MCTP1: variants seen among roughly 807,000 people sequenced by gnomAD.
MCTP1 encodes the protein multiple C2 and transmembrane domain containing 1, also known as multiple C2 and transmembrane domain-containing protein 1.
MCTP1 carries 69 observed loss-of-function variants against 120.6 expected under a neutral mutation model. That is an observed-to-expected ratio of 0.57 (90% confidence interval 0.47 to 0.70). MCTP1 has a LOEUF of 0.70. MCTP1 is among the 30% of genes least tolerant of loss of function. The pLI is 0.00. For synonymous variants in MCTP1, 529 were observed against 493.1 expected, an observed-to-expected ratio of 1.07 and a Z score of -0.96; for missense variants, 1,203 against 1,248.8, an observed-to-expected ratio of 0.96 and a Z score of 0.55.
intron 1 of MCTP1, among the ~76,000 whole-genome samples, chr5:95,243,078 T>G (rs1756351358): frequency 6.6e-6 from 1 of 152,162 alleles, no homozygotes; most frequent in Admixed American, 6.5e-5. Context: ...TGACTTCCTC[T>G]TAAGACTGTG....
intron 1 of MCTP1, among the ~76,000 whole-genome samples, chr5:95,165,017 G>C (rs1454169067): frequency 3.3e-5 from 5 of 152,144 alleles, no homozygotes; most frequent in Admixed American, 3.3e-4. Context: ...CTTCTTAACT[G>C]TGTCAACCCA....
intron 19 of MCTP1, among the ~76,000 whole-genome samples, chr5:94,720,316 A>G (rs1760596424): frequency 6.6e-6 from 1 of 152,062 alleles, no homozygotes; most frequent in Non-Finnish European, 1.5e-5. Context: ...AATTTAAAAC[A>G]TGTCAAAAGT....
At chr5:95,282,286 A>G (rs951087430) in intron 1 of MCTP1, among the ~76,000 whole-genome samples, 1 of 152,184 alleles carries the variant, frequency 6.6e-6, no homozygotes, top group African/African-American at 2.4e-5. Flanking sequence ...AGAGTTATCT[A>G]TTTTTGCTTT....
chr5:95,259,157 C>T (rs1582681436), intron 1 of MCTP1, among the ~76,000 whole-genome samples: 2 of 152,268 alleles, frequency 1.3e-5, no homozygotes, highest in African/African-American at 4.8e-5. Flanking sequence ...GACTACGCGT[C>T]AAGTTGCCAG....
intron 1 of MCTP1, among the ~76,000 whole-genome samples, chr5:95,067,469 T>C (rs997146729): frequency 1.3e-5 from 2 of 151,868 alleles, no homozygotes; most frequent in Non-Finnish European, 1.5e-5. Flanking sequence ...AATGAAAAAA[T>C]TGGCATTATT....
intron 1 of MCTP1, among the ~76,000 whole-genome samples, chr5:95,223,968 A>G (rs1240294625): frequency 1.3e-5 from 2 of 152,264 alleles, no homozygotes; most frequent in Non-Finnish European, 2.9e-5. Context: ...CTATTTTCAT[A>G]GTAAACAATG....
At chr5:94,905,639 T>G (rs1461292649) in intron 10 of MCTP1, among the ~76,000 whole-genome samples, 1 of 152,214 alleles carries the variant, frequency 6.6e-6, no homozygotes, top group Non-Finnish European at 1.5e-5. Flanking sequence ...TTCCACGATT[T>G]TTGGTGTTAG....
chr5:95,065,736 G>T (rs950730993), intron 1 of MCTP1, among the ~76,000 whole-genome samples: 1 of 152,086 alleles, frequency 6.6e-6, no homozygotes, highest in African/African-American at 2.4e-5. Flanking sequence ...TTTTCTAGAG[G>T]TTTTAACCAC....
intron 17 of MCTP1, among the ~76,000 whole-genome samples, chr5:94,863,567 T>C (rs527389147): frequency 2.1e-4 from 32 of 152,042 alleles, no homozygotes; most frequent in Admixed American, 3.9e-4. Context: ...GATGTAGACA[T>C]GCCTTTGTTT....
chr5:95,176,095 A>G (rs1199480939), intron 1 of MCTP1, among the ~76,000 whole-genome samples: 6 of 152,198 alleles, frequency 3.9e-5, no homozygotes, highest in African/African-American at 7.2e-5. Flanking sequence ...TGCCTCCTTG[A>G]GAAAATCAAA....
At chr5:95,158,103 T>C (rs1307912517) in intron 1 of MCTP1, among the ~76,000 whole-genome samples, 4 of 152,226 alleles carry the variant, frequency 2.6e-5, no homozygotes, top group Non-Finnish European at 5.9e-5. Flanking sequence ...AGAATTGATA[T>C]TAAGTAGACA....
At chr5:95,265,001 G>C (rs962466082) in intron 1 of MCTP1, among the ~76,000 whole-genome samples, 1 of 152,154 alleles carries the variant, frequency 6.6e-6, no homozygotes, top group Non-Finnish European at 1.5e-5. Context: ...AATCCAGGAA[G>C]AGTTGAGCTC....
chr5:95,017,336 C>G (rs887153712), intron 2 of MCTP1, 31 bp downstream of exon 2: 8 of 1,388,208 alleles, frequency 5.8e-6, no homozygotes, highest in African/African-American at 1.4e-5. Flanking sequence ...CATAAAAAAG[C>G]TTCTAGGTGA....
intron 1 of MCTP1, among the ~76,000 whole-genome samples, chr5:95,086,116 A>T (rs1313226872): frequency 6.6e-6 from 1 of 152,156 alleles, no homozygotes; most frequent in Non-Finnish European, 1.5e-5. Flanking sequence ...AAAAATATAA[A>T]AATTAAATGT....
intron 1 of MCTP1, among the ~76,000 whole-genome samples, chr5:95,054,258 A>C (rs1372426415): frequency 6.6e-6 from 1 of 152,224 alleles, no homozygotes; most frequent in African/African-American, 2.4e-5. Context: ...GACTAGCTTC[A>C]TTTCTCTAGA....
At chr5:94,926,600 C>G (rs974770478) in intron 6 of MCTP1, among the ~76,000 whole-genome samples, 1 of 152,164 alleles carries the variant, frequency 6.6e-6, no homozygotes. Flanking sequence ...TTTAGGGTCC[C>G]TTAAGACCAA....
rs35248317 is a variant in MCTP1, at chr5:95,140,693, TAAAAAAAAAAAAAAAAAAA to T, written c.721-123228_721-123210del. Among the ~76,000 whole-genome samples, 38 of 27,632 alleles carry T rather than the reference TAAAAAAAAAAAAAAAAAAA, an allele frequency of 1.4e-3. 2 individuals are homozygous for T. The highest frequency in any genetic ancestry group is 2.8e-3 in the South Asian group (1 of 356). The allele number at this position is 27,632 out of a possible 152,430, so 18.1% of individuals were successfully genotyped here. A position where few individuals can be genotyped will look rare whatever the true frequency, so the allele number is the denominator to read the frequency against. ...TAACACCGTGAAACCCTGTCCCTAC[TAAAAAAAAAAAAAAAAAAA>T]AAAAAAAAAAAAAAAAAATTAGCCG... On this transcript the variant is annotated intron_variant, in intron 1 of 22. Coordinates refer to ENST00000515393, the MANE Select transcript of MCTP1 (RefSeq NM_024717.7).
chr5:94,953,300 T>C lies in MCTP1; in HGVS notation c.900A>G (p.Ile300Met). 1 of 1,612,178 alleles carries C rather than the reference T, an allele frequency of 6.2e-7. No individual in the cohort carries two copies. The highest frequency in any genetic ancestry group is 8.5e-7 in the Non-Finnish European group (1 of 1,178,922). Reference sequence around the variant, plus strand: ...ACACAGGGTTGAGGTTCTTGTGTATTATCTTACTTCTAAAAACTTCTTTTC... The same window carrying C: ...ACACAGGGTTGAGGTTCTTGTGTATCATCTTACTTCTAAAAACTTCTTTTC... The part of the protein sequence containing the change: ...IGGKEVFRSK[I>M]IHKNLNPVWE... The change falls in exon 3 of 23, where the codon ATA becomes ATG. Residue 300 changes from isoleucine to methionine, a missense_variant. Ile to Met is a conservative substitution (Grantham distance 10). This residue lies in a region of MCTP1 where 740 missense variants were observed against 871.1 expected (regional missense o/e 0.85). Coordinates refer to ENST00000515393, the MANE Select transcript of MCTP1 (RefSeq NM_024717.7).
chr5:95,058,453 C>A (rs1176515839), intron 1 of MCTP1, among the ~76,000 whole-genome samples: 1 of 152,162 alleles, frequency 6.6e-6, no homozygotes, highest in Admixed American at 6.5e-5. Context: ...TGGGTCTGTA[C>A]CACACACCTT....
Sources: allele counts gnomAD v4.1 joint callset (sites outside exome capture counted in the v4.1 genomes callset), GRCh38; gene constraint gnomAD v4.1.1; regional missense constraint gnomAD v4.1.1; transcripts MANE v1.5; gene names NCBI Gene and HGNC (gene_info 2026-07-23, HGNC 2026-07-21).